The following RNF144A variants were observed in gnomAD, a reference collection of about 807,000 sequenced individuals.
RNF144A encodes ring finger protein 144A.
RNF144A carries 11 observed loss-of-function variants against 38.7 expected under a neutral mutation model. The ratio of observed to expected loss-of-function variants is 0.28; its 90% CI spans 0.18 to 0.47. The LOEUF (loss-of-function observed/expected upper bound fraction) is 0.47, where lower values mean the gene tolerates loss of function less well. RNF144A is among the 20% of genes least tolerant of loss of function. The pLI is 0.99. For synonymous variants in RNF144A, 149 were observed against 143.9 expected (o/e 1.04, Z -0.25); for missense variants, 316 against 377.2 (o/e 0.84, Z 1.34).
intron 2 of RNF144A, 155 bp from the exon 3 acceptor site, chr2:6,996,761 C>T (rs957040260): frequency 2.7e-6 from 2 of 745,930 alleles, no homozygotes; most frequent in Admixed American, 5.9e-5. Context: ...TCAAAAAAAA[C>T]CAAAAAATTC....
intron 2 of RNF144A, among the ~76,000 whole-genome samples, chr2:6,950,405 T>A (rs1389178984): frequency 2.6e-5 from 4 of 152,240 alleles, no homozygotes; most frequent in Non-Finnish European, 4.4e-5. Context: ...TTTGATAATG[T>A]TGGCGTCGAT....
chr2:6,998,627 A>G (rs1669910142), intron 3 of RNF144A, among the ~76,000 whole-genome samples: 1 of 152,234 alleles, frequency 6.6e-6, no homozygotes, highest in Non-Finnish European at 1.5e-5. Context: ...AATGTGCCTC[A>G]TTAAAGCACC....
At chr2:7,072,721 G>C (rs2103487028), downstream of RNF144A, among the ~76,000 whole-genome samples, 5 of 152,288 alleles carry the variant, frequency 3.3e-5, 1 homozygote, top group South Asian at 1.0e-3. Context: ...AGTGGTGTCA[G>C]GTACAAAGCA....
intron 8 of RNF144A, among the ~76,000 whole-genome samples, chr2:7,034,009 C>T (rs764130813): frequency 5.3e-4 from 81 of 152,140 alleles, no homozygotes; most frequent in Admixed American, 1.2e-3. Flanking sequence ...GTTGCTGTGT[C>T]CCCGTCCCAG....
chr2:6,972,895 G>A (rs927279015), intron 2 of RNF144A, among the ~76,000 whole-genome samples: 2 of 152,182 alleles, frequency 1.3e-5, no homozygotes, highest in East Asian at 3.8e-4. Flanking sequence ...TATAATAATG[G>A]TAGACACCAG....
intron 1 of RNF144A, among the ~76,000 whole-genome samples, chr2:6,931,779 T>C (rs1329341792): frequency 6.6e-6 from 1 of 152,238 alleles, no homozygotes; most frequent in Admixed American, 6.5e-5. Flanking sequence ...AATTCCATTG[T>C]GATATGAGGC....
At chr2:6,921,976 T>C (rs1664565452) in intron 1 of RNF144A, among the ~76,000 whole-genome samples, 1 of 152,208 alleles carries the variant, frequency 6.6e-6, no homozygotes, top group Non-Finnish European at 1.5e-5. Context: ...TCTGAGCTGT[T>C]TGGACCCAGA....
chr2:7,011,570 C>G (rs12468736), intron 3 of RNF144A, among the ~76,000 whole-genome samples: 35,965 of 152,128 alleles, frequency 0.24, 5,374 homozygotes, highest in East Asian at 0.56. Flanking sequence ...TGCATGTTTA[C>G]TGAGCTAACA....
At position 7,039,944 on chromosome 2, in the gene RNF144A, G is replaced by A; in HGVS notation, c.*184G>A. ...CACAATGTTCGCTGAGGCCCCAGGT[G>A]TGGTGGGGAGGGGAGGCAGGTGTGG... On this transcript the variant is annotated 3_prime_UTR_variant, in exon 9 of 9. Coordinates refer to ENST00000320892, the MANE Select transcript of RNF144A (RefSeq NM_014746.6). 2.1e-6 allele frequency: 3 copies of A among 1,410,088 alleles called. No individual in the cohort carries two copies. Among genetic ancestry groups the A allele is most frequent in the South Asian group, 3.1e-5 (2 of 65,540 alleles). 87.3% of individuals were successfully genotyped at this position (1,410,088 alleles called of 1,614,324 possible). A position where few individuals can be genotyped will look rare whatever the true frequency, so the allele number is the denominator to read the frequency against.
rs1572268129 is a variant in RNF144A, at chr2:6,958,774, G to A, written c.-12+17627G>A. 6.6e-6 allele frequency among the ~76,000 whole-genome samples: 1 copy of A among 152,238 alleles called. No individual in the cohort carries two copies. The highest frequency in any genetic ancestry group is 1.9e-4 in the East Asian group (1 of 5,196). On this transcript the variant is annotated intron_variant, in intron 2 of 8. Coordinates refer to ENST00000320892, the MANE Select transcript of RNF144A (RefSeq NM_014746.6). This position sits in a 1 kb window ranked among gnomAD's most constrained non-coding sequence, Gnocchi z 4.5. ...GCATCCCGCAGGAGGAGGCAGAGGA[G>A]GACATGGGCCTGGTGTCTCACCTGC...
intron 5 of RNF144A, among the ~76,000 whole-genome samples, chr2:7,020,119 C>T (rs1362055053): frequency 6.6e-6 from 1 of 152,196 alleles, no homozygotes; most frequent in African/African-American, 2.4e-5. Context: ...AGAAACCCGA[C>T]AGGCAGGTGG....
intron 2 of RNF144A, among the ~76,000 whole-genome samples, chr2:6,976,582 A>G (rs1206418038): frequency 1.3e-5 from 2 of 148,728 alleles, no homozygotes. Context: ...TTTCATATAT[A>G]TAAAACTATA....
At chr2:6,926,583 A>C (rs969158005) in intron 1 of RNF144A, among the ~76,000 whole-genome samples, 2 of 152,192 alleles carry the variant, frequency 1.3e-5, no homozygotes, top group African/African-American at 4.8e-5. Flanking sequence ...GTGTTCCATC[A>C]ATAGGTTCGG....
intron 2 of RNF144A, among the ~76,000 whole-genome samples, chr2:6,967,973 T>G (rs954503184): frequency 2.0e-5 from 3 of 151,972 alleles, no homozygotes; most frequent in African/African-American, 7.3e-5. Context: ...AGGAACAGTG[T>G]TTTTTTTCAG....
At chr2:7,069,018 G>GA (rs1371415187), downstream of RNF144A, among the ~76,000 whole-genome samples, 1 of 152,204 alleles carries the variant, frequency 6.6e-6, no homozygotes. Flanking sequence ...CACAGCTGAG[G>GA]AACCTGGAAA....
chr2:6,936,308 C>A (rs1027270044), intron 1 of RNF144A, among the ~76,000 whole-genome samples: 2 of 152,200 alleles, frequency 1.3e-5, no homozygotes, highest in Non-Finnish European at 2.9e-5. Flanking sequence ...TATATACACA[C>A]ACCCACACAC....
At chr2:6,940,320 C>A (rs1665883937) in intron 1 of RNF144A, among the ~76,000 whole-genome samples, 1 of 152,084 alleles carries the variant, frequency 6.6e-6, no homozygotes, top group Non-Finnish European at 1.5e-5. Context: ...AGTATTCTTT[C>A]TGGTGCTATT....
intron 1 of RNF144A, among the ~76,000 whole-genome samples, chr2:6,921,867 C>G (rs1032265825): frequency 6.6e-6 from 1 of 152,186 alleles, no homozygotes; most frequent in African/African-American, 2.4e-5. Context: ...CTGGGAACAG[C>G]AAGAAACAGC....
At chr2:7,011,468 C>G (rs913361322) in intron 3 of RNF144A, among the ~76,000 whole-genome samples, 3 of 152,176 alleles carry the variant, frequency 2.0e-5, no homozygotes, top group African/African-American at 4.8e-5. Flanking sequence ...TGGGTTTGAG[C>G]CCTAGTGCTT....
Sources: allele counts gnomAD v4.1 joint callset (sites outside exome capture counted in the v4.1 genomes callset), GRCh38; gene constraint gnomAD v4.1.1; non-coding constraint Gnocchi (gnomAD v3.1); transcripts MANE v1.5; gene names NCBI Gene and HGNC (gene_info 2026-07-23, HGNC 2026-07-21).